Variants in ERC1 observed in about 807,000 individuals in gnomAD.
The protein encoded by ERC1 is ELKS/RAB6-interacting/CAST family member 1.
Under a neutral mutation model 132.0 loss-of-function variants are expected in ERC1, and 56 were observed. That is an observed-to-expected ratio of 0.42 (90% CI 0.34 to 0.53). ERC1 has a LOEUF of 0.53. ERC1 is among the 20% of genes least tolerant of loss of function. ERC1 has a pLI of 0.03. For missense variants in ERC1, 1,202 were observed against 1,349.9 expected (o/e 0.89, Z 1.72); for synonymous variants, 478 against 476.1 (o/e 1.00, Z -0.05).
chr12:1,166,214 A>G (rs1401458981), intron 8 of ERC1, among the ~76,000 whole-genome samples: 1 of 152,152 alleles, frequency 6.6e-6, no homozygotes, highest in Non-Finnish European at 1.5e-5. Context: ...GTGGGAGGCA[A>G]TTGCATCATG....
chr12:1,036,445 G>T (rs1265287579), intron 2 of ERC1, among the ~76,000 whole-genome samples: 1 of 151,504 alleles, frequency 6.6e-6, no homozygotes. Flanking sequence ...TGCGATCTCG[G>T]CTCAGTGCAG....
chr12:1,458,197 G>A (rs535842640), intron 18 of ERC1, among the ~76,000 whole-genome samples: 15 of 152,326 alleles, frequency 9.8e-5, no homozygotes, highest in Admixed American at 2.0e-4. Flanking sequence ...TTTGGGAGGC[G>A]AGGGCTGAGG....
At chr12:1,295,521 G>C (rs531238962) in intron 15 of ERC1, among the ~76,000 whole-genome samples, 2 of 152,050 alleles carry the variant, frequency 1.3e-5, no homozygotes, top group Admixed American at 1.3e-4. Flanking sequence ...AGATAGAGCC[G>C]TGGGGAATCT....
chr12:1,106,669 A>G (rs1010723188), intron 4 of ERC1, among the ~76,000 whole-genome samples: 2 of 152,100 alleles, frequency 1.3e-5, no homozygotes, highest in African/African-American at 2.4e-5. Flanking sequence ...GTTCAGTTGC[A>G]TGGTTTTACC....
intron 14 of ERC1, among the ~76,000 whole-genome samples, chr12:1,288,632 G>T (rs910909510): frequency 2.6e-5 from 4 of 152,178 alleles, no homozygotes; most frequent in African/African-American, 9.7e-5. Flanking sequence ...ACTTTGATTT[G>T]TCATGCTGAT....
intron 15 of ERC1, among the ~76,000 whole-genome samples, chr12:1,337,220 C>T (rs1395844446): frequency 1.3e-5 from 2 of 152,018 alleles, no homozygotes; most frequent in Non-Finnish European, 2.9e-5. Flanking sequence ...CTTCCTGAAT[C>T]CGGGTGCTCC....
At chr12:995,128 G>A (rs1164155681) in intron 1 of ERC1, among the ~76,000 whole-genome samples, 1 of 151,782 alleles carries the variant, frequency 6.6e-6, no homozygotes, top group African/African-American at 2.4e-5. Context: ...ATGGCAGTAT[G>A]TGCCTATAGT....
At chr12:992,899 G>A (rs1485047646) in intron 1 of ERC1, among the ~76,000 whole-genome samples, 1 of 152,208 alleles carries the variant, frequency 6.6e-6, no homozygotes, top group Non-Finnish European at 1.5e-5. Flanking sequence ...TGGGATTTAA[G>A]CAGTGACTTT....
At chr12:1,056,941 C>T (rs1328282632) in intron 2 of ERC1, among the ~76,000 whole-genome samples, 1 of 152,092 alleles carries the variant, frequency 6.6e-6, no homozygotes, top group Non-Finnish European at 1.5e-5. Context: ...TAATTTCTTT[C>T]TACCTCCTGT....
At chr12:1,195,547 G>T (rs1956139349) in intron 12 of ERC1, among the ~76,000 whole-genome samples, 1 of 152,158 alleles carries the variant, frequency 6.6e-6, no homozygotes, top group South Asian at 2.1e-4. Context: ...CCACAGGGAG[G>T]CTTCTGGGAA....
intron 7 of ERC1, among the ~76,000 whole-genome samples, chr12:1,130,577 T>C (rs1948660483): frequency 6.6e-6 from 1 of 151,968 alleles, no homozygotes; most frequent in Non-Finnish European, 1.5e-5. Flanking sequence ...CAAGGGAAAA[T>C]GAGTGAAGGT....
At position 1,309,931 on chromosome 12, in the gene ERC1, C is replaced by CTTTTGTTTTG. The variant is rs560192167; in HGVS notation, c.2780+19945_2780+19954dup. 5.4e-3 allele frequency among the ~76,000 whole-genome samples: 798 copies of CTTTTGTTTTG among 148,958 alleles called. 6 individuals are homozygous for CTTTTGTTTTG. Among genetic ancestry groups the CTTTTGTTTTG allele is most frequent in the Non-Finnish European group, 9.0e-3 (605 of 67,126 alleles). On this transcript the variant is annotated intron_variant, in intron 15 of 18. Transcript: ENST00000360905. ...ACCTAGTGCTGAGGGGATTTGTTTT[C>CTTTTGTTTTG]TTTTGTTTTGTTTTGTTTTGTTTTG... is the stretch of plus-strand genomic sequence containing the variant.
At chr12:1,297,674 T>C (rs1594841168) in intron 15 of ERC1, among the ~76,000 whole-genome samples, 1 of 132,046 alleles carries the variant, frequency 7.6e-6, no homozygotes, top group African/African-American at 3.0e-5. Flanking sequence ...ACCACTGCAC[T>C]CCAGCCTGGG....
intron 2 of ERC1, among the ~76,000 whole-genome samples, chr12:1,068,762 A>G (rs10400515): frequency 0.23 from 34,539 of 152,054 alleles, 4,341 homozygotes; most frequent in Middle Eastern, 0.28. Context: ...GAATGATCCA[A>G]TTAGCAGACT....
chr12:1,226,011 T>C (rs1207392574), intron 12 of ERC1, among the ~76,000 whole-genome samples: 1 of 152,256 alleles, frequency 6.6e-6, no homozygotes, highest in Non-Finnish European at 1.5e-5. Flanking sequence ...TTCCATTAGT[T>C]AATATAATTG....
chr12:1,411,007 G>A (rs1205963623), intron 17 of ERC1, among the ~76,000 whole-genome samples: 1 of 152,078 alleles, frequency 6.6e-6, no homozygotes, highest in African/African-American at 2.4e-5. Flanking sequence ...ATCCCCTGGG[G>A]CTTTGGCATT....
intron 1 of ERC1, among the ~76,000 whole-genome samples, chr12:992,097 A>G (rs549991985): frequency 2.6e-5 from 4 of 152,194 alleles, no homozygotes; most frequent in East Asian, 1.9e-4. Context: ...GGTTTAGACA[A>G]CTTCGTTCCG....
At chr12:1,291,974 G>C (rs7958662) in intron 15 of ERC1, among the ~76,000 whole-genome samples, 59,757 of 151,850 alleles carry the variant, frequency 0.39, 12,128 homozygotes, top group Middle Eastern at 0.52. Context: ...TTATGTTAGC[G>C]TTTTTCCCTT....
At chr12:1,279,685 TTTTA>T (rs1254463592) in intron 14 of ERC1, among the ~76,000 whole-genome samples, 11 of 150,956 alleles carry the variant, frequency 7.3e-5, no homozygotes, top group African/African-American at 2.2e-4. Flanking sequence ...TTTTATTTTA[TTTTA>T]TTTATTTATT....
Sources: allele counts gnomAD v4.1 joint callset (sites outside exome capture counted in the v4.1 genomes callset), GRCh38; gene constraint gnomAD v4.1.1; transcripts MANE v1.5; gene names NCBI Gene and HGNC (gene_info 2026-07-23, HGNC 2026-07-21).